LTBP1: variants seen among roughly 807,000 people sequenced by gnomAD.
LTBP1 encodes the protein latent-transforming growth factor beta-binding protein 1.
LTBP1 carries 129 observed loss-of-function variants against 207.6 expected under a neutral mutation model. The ratio of observed to expected loss-of-function variants is 0.62; its 90% CI spans 0.54 to 0.72. The LOEUF (loss-of-function observed/expected upper bound fraction) is 0.72, where lower values mean the gene tolerates loss of function less well. Ranked by LOEUF, LTBP1 falls within the 30% of genes least tolerant of loss-of-function variation. The pLI, the probability that LTBP1 is intolerant of heterozygous loss-of-function variation, is 0.00. For synonymous variants in LTBP1, 963 were observed against 833.7 expected (o/e 1.16, Z -2.67); for missense variants, 2,281 against 2,217.2 (o/e 1.03, Z -0.58).
intron 18 of LTBP1, among the ~76,000 whole-genome samples, chr2:33,279,623 A>C (rs1288461996): frequency 6.6e-6 from 1 of 152,120 alleles, no homozygotes; most frequent in Non-Finnish European, 1.5e-5. Context: ...TCCCTAGAGC[A>C]TCCAATGTTT....
intron 24 of LTBP1, among the ~76,000 whole-genome samples, chr2:33,335,174 G>GA (rs201701995): frequency 0.022 from 2,567 of 117,944 alleles, 44 homozygotes; most frequent in African/African-American, 0.051. Context: ...CCATGCTGGG[G>GA]AAAAAAAAAA....
chr2:33,006,588 G>A (rs78070927), intron 2 of LTBP1, among the ~76,000 whole-genome samples: 9 of 151,398 alleles, frequency 5.9e-5, no homozygotes, highest in Non-Finnish European at 8.8e-5. Context: ...TCACCATGTT[G>A]GCCAGGCTGG....
At chr2:33,122,133 G>T (rs1163711360) in intron 4 of LTBP1, among the ~76,000 whole-genome samples, 1 of 151,516 alleles carries the variant, frequency 6.6e-6, no homozygotes, top group African/African-American at 2.4e-5. Context: ...TTGACCAATC[G>T]AGTGTGGGTG....
At chr2:33,212,272 G>A (rs1203834177) in intron 7 of LTBP1, among the ~76,000 whole-genome samples, 2 of 152,162 alleles carry the variant, frequency 1.3e-5, no homozygotes, top group African/African-American at 4.8e-5. Flanking sequence ...GAGTAGCTTT[G>A]TTTGTTTTTC....
intron 15 of LTBP1, among the ~76,000 whole-genome samples, chr2:33,272,466 A>T (rs183776764): frequency 6.6e-6 from 1 of 152,354 alleles, no homozygotes; most frequent in East Asian, 1.9e-4. Context: ...AGCCCAAGGT[A>T]GTATTGGTAT....
intron 24 of LTBP1, chr2:33,332,896 T>C (rs1428943198): frequency 6.6e-6 from 1 of 152,198 alleles, no homozygotes; most frequent in Non-Finnish European, 1.5e-5. Context: ...AGAGGAGGTG[T>C]AGTCTACAGC....
At chr2:33,071,132 C>T (rs2077764566) in intron 3 of LTBP1, among the ~76,000 whole-genome samples, 1 of 152,180 alleles carries the variant, frequency 6.6e-6, no homozygotes, top group Admixed American at 6.5e-5. Flanking sequence ...CCACTATGTG[C>T]AGTCCCTGAC....
intron 2 of LTBP1, among the ~76,000 whole-genome samples, chr2:32,991,490 T>A (rs1404969693): frequency 6.6e-6 from 1 of 152,212 alleles, no homozygotes; most frequent in East Asian, 1.9e-4. Flanking sequence ...ACACATAGGC[T>A]TTCATGATAA....
At position 33,134,658 on chromosome 2, in the gene LTBP1, G is replaced by T. The variant is rs1377861292; in HGVS notation, c.1034-135G>T. The T allele has an allele frequency of 3.2e-6, 5 of 1,567,390 alleles. No homozygotes were observed. The Admixed American group carries it at 9.4e-5, about 29-fold the overall frequency. On this transcript the variant is annotated intron_variant, in intron 4 of 33. Coordinates refer to ENST00000404816, the MANE Select transcript of LTBP1 (RefSeq NM_206943.4). This position sits in a 1 kb window ranked among gnomAD's most constrained non-coding sequence, Gnocchi z 4.4. ...GCTTCCCTCTTTCCTTAAACCTGTCGGGTTGTGGGCTCTCTCTTTTCCCCT... is the reference window on the plus strand; with the variant it reads ...GCTTCCCTCTTTCCTTAAACCTGTCTGGTTGTGGGCTCTCTCTTTTCCCCT...
chr2:33,365,655 C>G, intron 31 of LTBP1, 152 bp downstream of exon 31: 1 of 534,210 alleles, frequency 1.9e-6, no homozygotes, highest in Non-Finnish European at 2.9e-6. Flanking sequence ...GTGTGTAGGG[C>G]AGAACTGCAT....
chr2:33,197,869 G>A (rs1021856671), intron 7 of LTBP1, among the ~76,000 whole-genome samples: 2 of 152,136 alleles, frequency 1.3e-5, no homozygotes, highest in East Asian at 1.9e-4. Flanking sequence ...AGACAGAAGC[G>A]TTATAAGGGG....
chr2:33,327,077 A>T (rs1015896163), intron 24 of LTBP1, among the ~76,000 whole-genome samples: 13 of 152,158 alleles, frequency 8.5e-5, no homozygotes, highest in African/African-American at 3.1e-4. Flanking sequence ...TAAACGTTTG[A>T]AAGGACATGT....
intron 2 of LTBP1, among the ~76,000 whole-genome samples, chr2:32,955,661 A>T (rs1677964837): frequency 6.6e-6 from 1 of 152,142 alleles, no homozygotes; most frequent in Non-Finnish European, 1.5e-5. Flanking sequence ...TTTAAAGTAC[A>T]CACAAACATA....
rs193174917 is a variant in LTBP1, at chr2:32,961,720, C to T, written c.565+12775C>T. On this transcript the variant is annotated intron_variant, in intron 2 of 33. Transcript: ENST00000404816. The stretch of plus-strand genomic sequence containing the variant: ...CAGCACTTTGGGAGGCTGAGGCTGG[C>T]GGATCACCTGAGGTCAGGAGTTCGA... Among the ~76,000 whole-genome samples the T allele has an allele frequency of 2.7e-3, 413 of 151,944 alleles. 1 individual carries two copies. The highest frequency in any genetic ancestry group is 7.5e-3 in the African/African-American group (311 of 41,450).
chr2:33,167,928 G>C (rs1340082081), intron 5 of LTBP1, among the ~76,000 whole-genome samples: 1 of 152,222 alleles, frequency 6.6e-6, no homozygotes, highest in African/African-American at 2.4e-5. Context: ...ATTGATGGGT[G>C]TGGTTTTCAG....
At chr2:33,120,499 T>G (rs2081041956) in intron 4 of LTBP1, among the ~76,000 whole-genome samples, 1 of 152,244 alleles carries the variant, frequency 6.6e-6, no homozygotes, top group Admixed American at 6.5e-5. Flanking sequence ...TCCATATATG[T>G]TTCTGCAGAA....
At chr2:33,125,195 T>C (rs2081357454) in intron 4 of LTBP1, among the ~76,000 whole-genome samples, 1 of 152,190 alleles carries the variant, frequency 6.6e-6, no homozygotes, top group African/African-American at 2.4e-5. Flanking sequence ...TTGGGGCGTA[T>C]CGAGGAAAGA....
intron 3 of LTBP1, among the ~76,000 whole-genome samples, chr2:33,054,826 C>T (rs756669973): frequency 1.4e-4 from 22 of 152,190 alleles, no homozygotes; most frequent in Non-Finnish European, 2.4e-4. Flanking sequence ...CAGGCACCCT[C>T]AGTCCTGTTG....
intron 23 of LTBP1, among the ~76,000 whole-genome samples, chr2:33,313,022 A>G (rs1573779237): frequency 6.6e-6 from 1 of 152,244 alleles, no homozygotes; most frequent in African/African-American, 2.4e-5. Flanking sequence ...AAGGAGGTCA[A>G]ACTTCAAAAA....
Sources: allele counts gnomAD v4.1 joint callset (sites outside exome capture counted in the v4.1 genomes callset), GRCh38; gene constraint gnomAD v4.1.1; non-coding constraint Gnocchi (gnomAD v3.1); transcripts MANE v1.5; gene names NCBI Gene and HGNC (gene_info 2026-07-23, HGNC 2026-07-21).